Variants in MBOAT2 observed in about 807,000 individuals in gnomAD.
MBOAT2 encodes membrane-bound glycerophospholipid O-acyltransferase 2.
A neutral mutation model predicts 63.4 loss-of-function variants in MBOAT2; 28 were observed. The observed-to-expected ratio is 0.44, with a 90% CI of 0.33 to 0.61. MBOAT2 has a LOEUF of 0.61. Among genes scored for constraint, MBOAT2 ranks in the 20% least tolerant of loss-of-function variants. The pLI, the probability that MBOAT2 is intolerant of heterozygous loss-of-function variation, is 0.03. For synonymous variants in MBOAT2, 211 were observed against 215.6 expected (o/e 0.98, Z 0.19); for missense variants, 470 against 605.8 (o/e 0.78, Z 2.35).
chr2:8,975,670 G>T (rs1306664747), intron 1 of MBOAT2, among the ~76,000 whole-genome samples: 1 of 151,720 alleles, frequency 6.6e-6, no homozygotes, highest in Admixed American at 6.6e-5. Context: ...GAAGCGTAAG[G>T]ACACATTCTA....
chr2:8,893,437 A>G (rs1037864121), intron 4 of MBOAT2, among the ~76,000 whole-genome samples: 32 of 152,286 alleles, frequency 2.1e-4, no homozygotes, highest in African/African-American at 7.2e-4. Context: ...AAGTTATTTA[A>G]CTTTTCTCAA....
chr2:8,985,689 A>G lies in MBOAT2; in HGVS notation c.75+17851T>C, dbSNP rs567253457. ...ACCACATTCAATCCACCAGTAAGTCATATCAGTTCTACCTTCAAGTATATG... is the reference window on the plus strand; with the variant it reads ...ACCACATTCAATCCACCAGTAAGTCGTATCAGTTCTACCTTCAAGTATATG... On this transcript the variant is annotated intron_variant, in intron 1 of 12. Coordinates refer to ENST00000305997, the MANE Select transcript of MBOAT2 (RefSeq NM_138799.4). Among the ~76,000 whole-genome samples the G allele has an allele frequency of 4.6e-5, 7 of 152,178 alleles. No individual in the cohort carries two copies. The South Asian group carries it at 1.5e-3, about 32-fold the overall frequency.
intron 4 of MBOAT2, among the ~76,000 whole-genome samples, chr2:8,893,939 C>A (rs931337759): frequency 1.3e-5 from 2 of 152,082 alleles, no homozygotes; most frequent in African/African-American, 4.8e-5. Context: ...GCTTCTCAGC[C>A]TCAGGAAAAC....
chr2:8,859,041 C>A, intron 12 of MBOAT2, 137 bp from the exon 13 acceptor site: 2 of 683,444 alleles, frequency 2.9e-6, no homozygotes, highest in Non-Finnish European at 4.8e-6. Flanking sequence ...TTTTATTTTT[C>A]CCCCTCAGGA....
At chr2:8,953,023 G>A (rs532356290) in intron 2 of MBOAT2, among the ~76,000 whole-genome samples, 1 of 152,174 alleles carries the variant, frequency 6.6e-6, no homozygotes, top group African/African-American at 2.4e-5. Flanking sequence ...ATTGTTACCT[G>A]GTTGCTTTGT....
At chr2:8,970,868 G>C (rs1573208187) in intron 1 of MBOAT2, among the ~76,000 whole-genome samples, 1 of 152,090 alleles carries the variant, frequency 6.6e-6, no homozygotes, top group Admixed American at 6.5e-5. Flanking sequence ...TCTGAAATTG[G>C]GGCAATAATT....
intron 3 of MBOAT2, 148 bp from the exon 4 acceptor site, chr2:8,908,864 T>C (rs1665514317): frequency 1.8e-6 from 1 of 559,130 alleles, no homozygotes; most frequent in Non-Finnish European, 3.2e-6. Context: ...TAATAAATTA[T>C]GAAAACTCTT....
chr2:8,905,015 C>T (rs531541348), intron 4 of MBOAT2, among the ~76,000 whole-genome samples: 26 of 152,188 alleles, frequency 1.7e-4, no homozygotes, highest in African/African-American at 5.1e-4. Flanking sequence ...CACACACGCG[C>T]GCAGTTTCTC....
intron 3 of MBOAT2, among the ~76,000 whole-genome samples, chr2:8,914,700 G>T (rs2148598521): frequency 6.6e-6 from 1 of 152,090 alleles, no homozygotes; most frequent in Admixed American, 6.5e-5. Context: ...ACCCCAACTA[G>T]CCACATGTAG....
At chr2:8,959,708 C>T (rs1669481842) in intron 1 of MBOAT2, among the ~76,000 whole-genome samples, 1 of 152,184 alleles carries the variant, frequency 6.6e-6, no homozygotes, top group African/African-American at 2.4e-5. Flanking sequence ...AACAATCTGC[C>T]TGCCTCTGCC....
At chr2:8,924,961 AG>A (rs1360812490) in intron 3 of MBOAT2, among the ~76,000 whole-genome samples, 1 of 152,152 alleles carries the variant, frequency 6.6e-6, no homozygotes, top group Non-Finnish European at 1.5e-5. Flanking sequence ...AAGCTCTCCT[AG>A]TATCTCAATA....
At chr2:8,870,793 C>T (rs1057083506) in intron 8 of MBOAT2, among the ~76,000 whole-genome samples, 31 of 152,148 alleles carry the variant, frequency 2.0e-4, no homozygotes, top group African/African-American at 7.5e-4. Context: ...AGTTCAATTT[C>T]AAATTGTCAT....
chr2:8,916,328 T>C (rs968883281), intron 3 of MBOAT2, among the ~76,000 whole-genome samples: 2 of 152,202 alleles, frequency 1.3e-5, no homozygotes, highest in Non-Finnish European at 2.9e-5. Context: ...AGAATTCAGA[T>C]ATGATTATTA....
chr2:8,912,026 A>G (rs564586427), intron 3 of MBOAT2, among the ~76,000 whole-genome samples: 105 of 152,254 alleles, frequency 6.9e-4, no homozygotes, highest in African/African-American at 2.5e-3. Context: ...AAACGATTTG[A>G]CAAATATCCT....
chr2:8,957,155 C>T (rs1399017195), intron 2 of MBOAT2, among the ~76,000 whole-genome samples: 1 of 152,142 alleles, frequency 6.6e-6, no homozygotes, highest in South Asian at 2.1e-4. Flanking sequence ...TTTTAATAAT[C>T]TGAAGCTGAG....
chr2:8,927,181 C>T (rs1467871078), intron 3 of MBOAT2, among the ~76,000 whole-genome samples: 1 of 152,052 alleles, frequency 6.6e-6, no homozygotes, highest in African/African-American at 2.4e-5. Flanking sequence ...CATTCTCTGC[C>T]CAGGGACACC....
chr2:8,972,126 G>A (rs1433605903), intron 1 of MBOAT2, among the ~76,000 whole-genome samples: 1 of 152,138 alleles, frequency 6.6e-6, no homozygotes, highest in Non-Finnish European at 1.5e-5. Flanking sequence ...TATACTAGAA[G>A]GCTACAGTAA....
chr2:8,920,051 C>G (rs1367091488), intron 3 of MBOAT2, among the ~76,000 whole-genome samples: 2 of 152,158 alleles, frequency 1.3e-5, no homozygotes, highest in African/African-American at 4.8e-5. Context: ...CAGGCGTGTG[C>G]TATCACACTC....
chr2:8,882,507 G>A lies in MBOAT2; in HGVS notation c.506+4C>T, dbSNP rs528354385. 4.3e-5 allele frequency: 70 copies of A among 1,614,134 alleles called. No individual in the cohort carries two copies. In the East Asian group the frequency reaches 4.5e-4, roughly 10 times the overall value. ...ATGGCAGAATAGGATGCAAAGGCAC[G>A]TACCTTACAGCTAAATCCCTCTGTG... On this transcript the variant is annotated splice_donor_region_variant and intron_variant, in intron 6 of 12. Coordinates refer to ENST00000305997, the MANE Select transcript of MBOAT2 (RefSeq NM_138799.4).
Sources: gnomAD v4.1 joint callset for allele counts (sites outside exome capture counted in the v4.1 genomes callset) on GRCh38, gnomAD v4.1.1 for gene constraint, MANE v1.5 for transcripts, NCBI Gene and HGNC (gene_info 2026-07-23, HGNC 2026-07-21) for gene names.